Variants in MRNIP observed in about 807,000 individuals in gnomAD.
MRNIP encodes the protein MRN complex interacting protein, also known as MRN complex-interacting protein.
MRNIP carries 30 observed loss-of-function variants against 29.8 expected under a neutral mutation model. That is an observed-to-expected ratio of 1.01 (90% CI 0.75 to 1.36). The LOEUF (loss-of-function observed/expected upper bound fraction) is 1.36, where lower values mean the gene tolerates loss of function less well. Ranked by LOEUF, MRNIP falls within the 40% of genes most tolerant of loss-of-function variation. MRNIP has a pLI of 0.00. For missense variants in MRNIP, 459 were observed against 423.5 expected (o/e 1.08, Z -0.74); for synonymous variants, 201 against 164.1 (o/e 1.23, Z -1.72).
chr5:179,848,002 C>T lies in MRNIP; in HGVS notation c.191G>A (p.Gly64Glu). The T allele has an allele frequency of 1.2e-6, 2 of 1,613,052 alleles. No homozygotes were observed. The highest frequency in any genetic ancestry group is 8.5e-7 in the Non-Finnish European group (1 of 1,179,444). The change falls in exon 3 of 7, where the codon GGA becomes GAA. Residue 64 changes from glycine to glutamate, a missense_variant. Physicochemically the swap from Gly to Glu is moderately conservative, Grantham distance 98. Transcript: ENST00000292586. The part of the protein sequence containing the change: ...RHVQKLNLLQ[G>E]QVSELPLRSL... ...CCTGAGTGGCAGCTCTGAAACTTGT[C>T]CCTGTAGTAGATTTAACTTTTGGAC...
chr5:179,858,331 G>A (rs1181518137), intron 1 of MRNIP, among the ~76,000 whole-genome samples: 1 of 152,192 alleles, frequency 6.6e-6, no homozygotes, highest in Non-Finnish European at 1.5e-5. Flanking sequence ...AGAGGCGCGG[G>A]GCGACGGAGA....
intron 6 of MRNIP, chr5:179,840,476 G>A (rs1448513718): frequency 2.9e-6 from 1 of 345,918 alleles, no homozygotes; most frequent in Non-Finnish European, 5.3e-6. Flanking sequence ...GTCCACAGCA[G>A]GGCAAATGCG....
chr5:179,844,240 C>T lies in MRNIP; in HGVS notation c.216-13G>A, dbSNP rs772876530. 3.7e-6 allele frequency: 6 copies of T among 1,609,340 alleles called. No individual in the cohort carries two copies. The highest frequency in any genetic ancestry group is 5.1e-6 in the Non-Finnish European group (6 of 1,175,768). On this transcript the variant is annotated splice_polypyrimidine_tract_variant and intron_variant, in intron 3 of 6. Coordinates refer to ENST00000292586, the MANE Select transcript of MRNIP (RefSeq NM_016175.4). Reference sequence around the variant, plus strand: ...TTCTTCTAGAGACCTTCAGGGAAGACCATACATATGCCCTTTGAAAAATGA... The same window carrying T: ...TTCTTCTAGAGACCTTCAGGGAAGATCATACATATGCCCTTTGAAAAATGA...
chr5:179,841,724 G>A (rs1356731086), intron 5 of MRNIP, 183 bp downstream of exon 5: 5 of 653,528 alleles, frequency 7.7e-6, no homozygotes, highest in Non-Finnish European at 8.0e-6. Flanking sequence ...TGCACCAGCA[G>A]TGCCCAATGC....
At chr5:179,858,340 G>C (rs572851914) in intron 1 of MRNIP, among the ~76,000 whole-genome samples, 1 of 152,320 alleles carries the variant, frequency 6.6e-6, no homozygotes, top group East Asian at 1.9e-4. Context: ...GGGCGACGGA[G>C]AGGGCGCCCA....
intron 2 of MRNIP, chr5:179,851,518 G>C: frequency 2.3e-6 from 1 of 440,646 alleles, no homozygotes; most frequent in Non-Finnish European, 4.6e-6. Context: ...TGTCTGGCTT[G>C]TTGGCAGCTT....
chr5:179,842,635 G>GCCTGCA (rs1311942727), intron 4 of MRNIP, among the ~76,000 whole-genome samples: 3 of 144,204 alleles, frequency 2.1e-5, no homozygotes, highest in Non-Finnish European at 3.0e-5. Flanking sequence ...GGGAGGCGGG[G>GCCTGCA]CCTGCAGTGA....
chr5:179,844,282 G>A (rs1759035168), intron 3 of MRNIP, 55 bp from the exon 4 acceptor site: 1 of 1,431,346 alleles, frequency 7.0e-7, no homozygotes, highest in South Asian at 1.1e-5. Context: ...GCTGGGCACA[G>A]TGGCTCACTC....
chr5:179,851,443 G>A (rs1456319931), intron 2 of MRNIP: 1 of 456,048 alleles, frequency 2.2e-6, no homozygotes, highest in Non-Finnish European at 4.4e-6. Context: ...AAACAGAAAG[G>A]GAAGGAGAGG....
At chr5:179,857,683 C>T (rs2113581126) in intron 1 of MRNIP, among the ~76,000 whole-genome samples, 1 of 152,262 alleles carries the variant, frequency 6.6e-6, no homozygotes, top group Admixed American at 6.5e-5. Flanking sequence ...GACACATACT[C>T]AGCATCTTGC....
rs763881335 is a variant in MRNIP, at chr5:179,840,890, G to A, written c.519C>T (p.Val173=). The change falls in exon 6 of 7, where the codon GTC becomes GTT. Residue 173 remains valine (V), a synonymous_variant. Transcript: ENST00000292586. The part of the protein sequence containing the change: ...RGVQDSGGSE[V]AWGPQKGQAG... The stretch of plus-strand genomic sequence containing the variant: ...CACTGACCTTCTGGGGTCCCCAGGC[G>A]ACCTCAGAGCCACCCGAGTCCTGCA... The A allele has an allele frequency of 2.8e-5, 45 of 1,611,220 alleles. No individual in the cohort carries two copies. Among genetic ancestry groups the A allele is most frequent in the Middle Eastern group, 1.7e-4 (1 of 6,050 alleles).
intron 1 of MRNIP, 100 bp downstream of exon 1, chr5:179,858,631 G>T: frequency 1.3e-6 from 1 of 753,546 alleles, no homozygotes; most frequent in Non-Finnish European, 2.1e-6. Flanking sequence ...TTCGGGCCCG[G>T]TGCATCCCGG....
chr5:179,837,799 C>CA lies in MRNIP; in HGVS notation c.623dup (p.Arg209GlufsTer20), dbSNP rs772438323. 1.2e-6 allele frequency: 2 copies of CA among 1,614,052 alleles called. No homozygotes were observed. Among genetic ancestry groups the CA allele is most frequent in the South Asian group, 2.2e-5 (2 of 91,090 alleles). ...TCCATAGCTCCTTCCCAGGACCCCT[C>CA]AGCTCCCCGGCACTGCAGTCTGCAG... On this transcript the variant is annotated frameshift_variant, in exon 7 of 7. Coordinates refer to ENST00000292586, the MANE Select transcript of MRNIP (RefSeq NM_016175.4). LOFTEE classifies it low-confidence loss of function (END_TRUNC).
intron 1 of MRNIP, among the ~76,000 whole-genome samples, chr5:179,854,971 G>A (rs943171966): frequency 2.0e-5 from 3 of 152,062 alleles, no homozygotes; most frequent in Non-Finnish European, 4.4e-5. Context: ...TTTTTTTCTG[G>A]ATGTACTAGC....
intron 2 of MRNIP, among the ~76,000 whole-genome samples, chr5:179,849,750 G>A (rs1759278756): frequency 6.6e-6 from 1 of 151,026 alleles, no homozygotes; most frequent in South Asian, 2.1e-4. Flanking sequence ...GATGCTACGA[G>A]ACGGAATTTG....
intron 1 of MRNIP, among the ~76,000 whole-genome samples, chr5:179,856,787 A>G (rs1291011135): frequency 6.6e-6 from 1 of 152,034 alleles, no homozygotes; most frequent in African/African-American, 2.4e-5. Context: ...CACATTTCAT[A>G]AGGTTGAAAA....
chr5:179,843,041 A>AGAAGAGGAAAGAAGGAAG (rs1554093091), intron 4 of MRNIP, among the ~76,000 whole-genome samples: 146 of 106,288 alleles, frequency 1.4e-3, no homozygotes, highest in Non-Finnish European at 2.1e-3. Flanking sequence ...AAAGGAGGAA[A>AGAAGAGGAAAGAAGGAAG]GAAGGAAGGA....
At chr5:179,857,501 A>T (rs148985079) in intron 1 of MRNIP, among the ~76,000 whole-genome samples, 21 of 152,230 alleles carry the variant, frequency 1.4e-4, no homozygotes, top group Admixed American at 5.2e-4. Context: ...TAAACGGAAA[A>T]TTTGTTTTTA....
chr5:179,841,826 C>G (rs963765069), intron 5 of MRNIP, 81 bp downstream of exon 5: 2 of 1,454,212 alleles, frequency 1.4e-6, no homozygotes, highest in Non-Finnish European at 1.9e-6. Context: ...TTGGCTGACG[C>G]TCACAGTGGC....
Sources: gnomAD v4.1 joint callset for allele counts (sites outside exome capture counted in the v4.1 genomes callset) on GRCh38, gnomAD v4.1.1 for gene constraint, MANE v1.5 for transcripts, NCBI Gene and HGNC (gene_info 2026-07-23, HGNC 2026-07-21) for gene names.